Variants in MAPDA observed in about 807,000 individuals in gnomAD.
MAPDA encodes N6-Methyl-AMP deaminase.
the MAPDA span, chr15:43,342,993 G>A: frequency 6.4e-7 from 1 of 1,569,658 alleles, no homozygotes; most frequent in South Asian, 1.2e-5. Flanking sequence ...GTCCTTTCTA[G>A]GAATGACTAA....
chr15:43,339,681 G>A, the MAPDA span, among the ~76,000 whole-genome samples: 2 of 152,136 alleles, frequency 1.3e-5, no homozygotes, highest in South Asian at 4.1e-4. Context: ...TTGGATTATT[G>A]AGATTTGCAC....
the MAPDA span, chr15:43,347,111 C>T: frequency 6.2e-7 from 1 of 1,600,072 alleles, no homozygotes; most frequent in South Asian, 1.1e-5. Context: ...ATAATATTGT[C>T]TTAGGCTAGA....
chr15:43,351,848 C>G, the MAPDA span: 14 of 1,551,560 alleles, frequency 9.0e-6, no homozygotes, highest in Non-Finnish European at 1.2e-5. Flanking sequence ...TGGGATCTGT[C>G]TTATGAATCC....
At chr15:43,330,823 C>T in the MAPDA span, 1 of 238,734 alleles carries the variant, frequency 4.2e-6, no homozygotes, top group Non-Finnish European at 8.0e-6. Flanking sequence ...AAAGGGAAAC[C>T]TTGCCTAAGT....
the MAPDA span, chr15:43,330,443 G>A: frequency 6.4e-6 from 10 of 1,552,316 alleles, no homozygotes; most frequent in South Asian, 1.2e-4. Context: ...GCTGTCGTTG[G>A]TGTTCTGTAC....
At chr15:43,343,225 G>A in the MAPDA span, 1 of 538,404 alleles carries the variant, frequency 1.9e-6, no homozygotes, top group Non-Finnish European at 3.1e-6. Context: ...GTTGTTTAAA[G>A]TGAGAACACA....
the MAPDA span, among the ~76,000 whole-genome samples, chr15:43,350,433 G>A: frequency 6.6e-6 from 1 of 152,000 alleles, no homozygotes; most frequent in African/African-American, 2.4e-5. Flanking sequence ...AGAAGGAGGT[G>A]AATGGATGAT....
chr15:43,335,256 T>C, the MAPDA span: 1 of 1,410,822 alleles, frequency 7.1e-7, no homozygotes, highest in African/African-American at 1.4e-5. Flanking sequence ...AAATTTTGGC[T>C]GGGCGCAGTG....
At chr15:43,335,433 C>T in the MAPDA span, among the ~76,000 whole-genome samples, 23 of 152,092 alleles carry the variant, frequency 1.5e-4, no homozygotes, top group African/African-American at 5.3e-4. Context: ...ACTCAGGAGG[C>T]GGAGGCAGGA....
chr15:43,343,295 G>A, the MAPDA span, among the ~76,000 whole-genome samples: 1 of 152,144 alleles, frequency 6.6e-6, no homozygotes, highest in East Asian at 1.9e-4. Flanking sequence ...GTAAAGTATG[G>A]TGTTCCTTTG....
chr15:43,345,924 T>G, the MAPDA span: 1 of 1,614,116 alleles, frequency 6.2e-7, no homozygotes. Flanking sequence ...TGCCGAGGAG[T>G]TCTTCCTTTC....
chr15:43,340,312 C>T, the MAPDA span: 1 of 1,614,042 alleles, frequency 6.2e-7, no homozygotes, highest in Non-Finnish European at 8.5e-7. Context: ...GCGTCAAGTA[C>T]CTGGAACTAA....
At chr15:43,347,595 T>C in the MAPDA span, among the ~76,000 whole-genome samples, 1 of 152,198 alleles carries the variant, frequency 6.6e-6, no homozygotes, top group Non-Finnish European at 1.5e-5. Flanking sequence ...TGGGAAGTAG[T>C]CACTTTCTTA....
the MAPDA span, among the ~76,000 whole-genome samples, chr15:43,339,022 G>T: frequency 6.6e-6 from 1 of 152,216 alleles, no homozygotes; most frequent in Admixed American, 6.5e-5. Context: ...CATGTGAGCT[G>T]GGGTAGCTGA....
the MAPDA span, chr15:43,347,170 G>C: frequency 8.3e-7 from 1 of 1,206,102 alleles, no homozygotes; most frequent in Non-Finnish European, 1.2e-6. Context: ...AAGTGACTAG[G>C]AATAAACCGG....
At chr15:43,336,545 A>C in the MAPDA span, 2 of 1,045,930 alleles carry the variant, frequency 1.9e-6, no homozygotes, top group Non-Finnish European at 1.4e-6. Context: ...TATATTTACT[A>C]TTAGCCTAAA....
At chr15:43,334,288 G>C in the MAPDA span, among the ~76,000 whole-genome samples, 1 of 152,074 alleles carries the variant, frequency 6.6e-6, no homozygotes, top group African/African-American at 2.4e-5. Context: ...TCTAATGCCA[G>C]CACCTCTGTT....
At chr15:43,348,712 A>G in the MAPDA span, among the ~76,000 whole-genome samples, 1 of 152,206 alleles carries the variant, frequency 6.6e-6, no homozygotes, top group Non-Finnish European at 1.5e-5. Context: ...ATTATCATTG[A>G]AATGAATCTA....
chr15:43,335,219 T>G, the MAPDA span: 1 of 1,580,516 alleles, frequency 6.3e-7, no homozygotes, highest in Non-Finnish European at 8.7e-7. Context: ...TTATAATGAC[T>G]TTGATGTTGC....
Sources: gnomAD v4.1 joint callset for allele counts (sites outside exome capture counted in the v4.1 genomes callset) on GRCh38, gnomAD v4.1.1 for gene constraint, MANE v1.5 for transcripts, NCBI Gene and HGNC (gene_info 2026-07-23, HGNC 2026-07-21) for gene names.